Variants in SENP7 observed in about 807,000 individuals in gnomAD.
SENP7 encodes SUMO specific peptidase 7.
Under a neutral mutation model 141.2 loss-of-function variants are expected in SENP7, and 64 were observed. That is an observed-to-expected ratio of 0.45 (90% CI 0.37 to 0.56). SENP7 has a LOEUF of 0.56. Ranked by LOEUF, SENP7 falls within the 20% of genes least tolerant of loss-of-function variation. SENP7 has a pLI of 0.00. For missense variants in SENP7, 1,025 were observed against 1,212.2 expected, an observed-to-expected ratio of 0.85 and a Z score of 2.29; for synonymous variants, 382 against 426.4, an observed-to-expected ratio of 0.90 and a Z score of 1.28.
At chr3:101,507,327 C>T (rs1030927707) in intron 1 of SENP7, among the ~76,000 whole-genome samples, 1 of 152,178 alleles carries the variant, frequency 6.6e-6, no homozygotes, top group Non-Finnish European at 1.5e-5. Context: ...ACCATACCCC[C>T]TTAATTTACT....
chr3:101,451,909 G>C (rs1222470132), intron 4 of SENP7, among the ~76,000 whole-genome samples: 1 of 152,176 alleles, frequency 6.6e-6, no homozygotes, highest in African/African-American at 2.4e-5. Flanking sequence ...ATTAGGAAAT[G>C]AGGAAGTCAA....
At chr3:101,476,212 T>C (rs566323727) in intron 3 of SENP7, among the ~76,000 whole-genome samples, 2 of 152,172 alleles carry the variant, frequency 1.3e-5, no homozygotes, top group East Asian at 3.9e-4. Context: ...CAACCCGTCA[T>C]CTACATTAAG....
At chr3:101,351,724 A>T (rs2059619427) in intron 11 of SENP7, 73 bp from the exon 12 acceptor site, 1 of 1,122,534 alleles carries the variant, frequency 8.9e-7, no homozygotes, top group Non-Finnish European at 1.2e-6. Context: ...TTTTTTTTCA[A>T]ATCACAAGTA....
intron 3 of SENP7, among the ~76,000 whole-genome samples, chr3:101,476,415 C>A (rs918768421): frequency 1.3e-5 from 2 of 152,140 alleles, no homozygotes; most frequent in Non-Finnish European, 2.9e-5. Context: ...CATGTCCCTG[C>A]AAAGGACATG....
rs530626979 is a variant in SENP7, at chr3:101,464,413, C to T, written c.187-5361G>A. 1.1e-4 allele frequency among the ~76,000 whole-genome samples: 16 copies of T among 152,276 alleles called. No individual in the cohort carries two copies. In the East Asian group the frequency reaches 3.1e-3, roughly 29 times the overall value. On this transcript the variant is annotated intron_variant, in intron 3 of 23. Transcript: ENST00000394095. ...GCAACTGAAACTTCACCTGTATTTA[C>T]AGCCACTCCCCATTACTCACATTAC...
intron 6 of SENP7, among the ~76,000 whole-genome samples, chr3:101,380,848 GA>G (rs933466399): frequency 4.0e-5 from 6 of 151,562 alleles, no homozygotes; most frequent in African/African-American, 1.2e-4. Context: ...GTTTATGAGA[GA>G]AAAAAAACTG....
At chr3:101,370,564 G>A (rs926130801) in intron 7 of SENP7, among the ~76,000 whole-genome samples, 3 of 152,060 alleles carry the variant, frequency 2.0e-5, no homozygotes, top group Middle Eastern at 3.2e-3. Flanking sequence ...TAAATGTTAT[G>A]TAGTTGTTAT....
At chr3:101,384,614 G>A (rs1242771477) in intron 6 of SENP7, among the ~76,000 whole-genome samples, 1 of 152,232 alleles carries the variant, frequency 6.6e-6, no homozygotes, top group Admixed American at 6.5e-5. Flanking sequence ...ATGCCTGGCT[G>A]TGCACAGTGG....
intron 4 of SENP7, among the ~76,000 whole-genome samples, chr3:101,442,902 A>T (rs2062736129): frequency 6.6e-6 from 1 of 152,192 alleles, no homozygotes. Flanking sequence ...TAAAAAGAAC[A>T]AATATTGAGA....
intron 1 of SENP7, among the ~76,000 whole-genome samples, chr3:101,508,089 C>A (rs888758835): frequency 5.3e-5 from 8 of 151,106 alleles, no homozygotes; most frequent in Non-Finnish European, 1.0e-4. Context: ...ATTCCCTTGC[C>A]CATATTTATG....
chr3:101,419,818 G>C (rs962739391), intron 4 of SENP7, among the ~76,000 whole-genome samples: 4 of 152,184 alleles, frequency 2.6e-5, no homozygotes, highest in African/African-American at 4.8e-5. Context: ...CTATATACCA[G>C]GCACTGTGCT....
chr3:101,410,291 G>A lies in SENP7; in HGVS notation c.482+7302C>T, dbSNP rs575176122. On this transcript the variant is annotated intron_variant, in intron 5 of 23. Transcript: ENST00000394095. ...ATCAAAAAATAGTAGATGTTGGCAT[G>A]GATGTGATGAAAAGGGAACTTTTCT... Among the ~76,000 whole-genome samples, 8 of 152,238 alleles carry A rather than the reference G, an allele frequency of 5.3e-5. No homozygotes were observed. The South Asian group carries it at 1.7e-3, about 32-fold the overall frequency.
chr3:101,417,129 AAT>A (rs921796402), intron 5 of SENP7, among the ~76,000 whole-genome samples: 2 of 152,176 alleles, frequency 1.3e-5, no homozygotes, highest in African/African-American at 4.8e-5. Flanking sequence ...CTGTTTTAAA[AAT>A]TCATTTAAAA....
rs6777374 is a variant in SENP7, at chr3:101,401,838, G to C, written c.483-2783C>G. ...TCTCTACAAAAAATAGAAAATATTAGCTTAGTATGGTGGCATGCACCTGTA... is the reference window on the plus strand; with the variant it reads ...TCTCTACAAAAAATAGAAAATATTACCTTAGTATGGTGGCATGCACCTGTA... On this transcript the variant is annotated intron_variant, in intron 5 of 23. Transcript: ENST00000394095. 9.5e-3 allele frequency among the ~76,000 whole-genome samples: 1,439 copies of C among 152,022 alleles called. 25 individuals carry two copies. The highest frequency in any genetic ancestry group is 0.033 in the African/African-American group (1,385 of 41,462).
chr3:101,399,797 T>C (rs2061080213), intron 5 of SENP7, among the ~76,000 whole-genome samples: 1 of 152,150 alleles, frequency 6.6e-6, no homozygotes. Flanking sequence ...AGGTAACTTT[T>C]TTATTTTCTG....
At chr3:101,329,921 C>CA (rs1196614752) in intron 20 of SENP7, among the ~76,000 whole-genome samples, 1 of 148,232 alleles carries the variant, frequency 6.7e-6, no homozygotes, top group African/African-American at 2.5e-5. Flanking sequence ...TACCATTGCA[C>CA]TCCAGCCTGG....
chr3:101,408,699 C>T lies in SENP7; in HGVS notation c.482+8894G>A, dbSNP rs191839089. On this transcript the variant is annotated intron_variant, in intron 5 of 23. Coordinates refer to ENST00000394095, the MANE Select transcript of SENP7 (RefSeq NM_020654.5). ...ACAAAAATCCCATGATCACCTCAAT[C>T]GATGCAGAAAAATATTCAACAAAAT... 2.6e-5 allele frequency among the ~76,000 whole-genome samples: 4 copies of T among 152,230 alleles called. No homozygotes were observed. The East Asian group carries it at 5.8e-4, about 22-fold the overall frequency.
chr3:101,495,090 T>A (rs1374991205), intron 2 of SENP7, among the ~76,000 whole-genome samples: 1 of 151,858 alleles, frequency 6.6e-6, no homozygotes, highest in Admixed American at 6.6e-5. Flanking sequence ...AGAAAAAAAA[T>A]TCCCATTAAA....
In SENP7 at chr3:101,366,478, G is replaced by C. The variant is rs763993991; in HGVS notation, c.1270C>G (p.Leu424Val). 2 of 1,613,258 alleles carry C rather than the reference G, an allele frequency of 1.2e-6. No homozygotes were observed. Among genetic ancestry groups the C allele is most frequent in the African/African-American group, 1.3e-5 (1 of 75,016 alleles). The change falls in exon 9 of 24, where the codon CTA becomes GTA. Residue 424 changes from leucine (L) to valine (V), a missense_variant. Leu to Val is a conservative substitution (Grantham distance 32). This residue lies in a region of SENP7 where 496 missense variants were observed against 503.5 expected (regional missense o/e 0.99). Coordinates refer to ENST00000394095, the MANE Select transcript of SENP7 (RefSeq NM_020654.5). ...TGGTTCCCTTCATTATGTCCTCTTA[G>C]AATAGGCTTTTCTATGGTATTCAAC... ...NELNTIEKPI[L>V]RGHNEGNQSL...
Sources: allele counts gnomAD v4.1 joint callset (sites outside exome capture counted in the v4.1 genomes callset), GRCh38; gene constraint gnomAD v4.1.1; regional missense constraint gnomAD v4.1.1; transcripts MANE v1.5; gene names NCBI Gene and HGNC (gene_info 2026-07-23, HGNC 2026-07-21).